Variants in DLG2 observed in about 807,000 individuals in gnomAD.
The protein encoded by DLG2 is disks large homolog 2.
DLG2 carries 45 observed loss-of-function variants against 132.5 expected under a neutral mutation model. That is an observed-to-expected ratio of 0.34 (90% CI 0.27 to 0.44). The LOEUF (loss-of-function observed/expected upper bound fraction) is 0.44, where lower values mean the gene tolerates loss of function less well. Among genes scored for constraint, DLG2 ranks in the 20% least tolerant of loss-of-function variants. The probability of loss-of-function intolerance (pLI) is 1.00; values close to 1 mark genes in which losing one functional copy is unlikely to be tolerated. For missense variants in DLG2, 1,045 were observed against 1,196.9 expected (o/e 0.87, Z 1.87); for synonymous variants, 424 against 419.6 (o/e 1.01, Z -0.13).
At chr11:84,842,298 C>A (rs911666503) in intron 6 of DLG2, among the ~76,000 whole-genome samples, 1 of 151,950 alleles carries the variant, frequency 6.6e-6, no homozygotes, top group South Asian at 2.1e-4. Context: ...GCATTCTTAT[C>A]GCCACTTTAC....
intron 3 of DLG2, among the ~76,000 whole-genome samples, chr11:85,344,054 C>T (rs181643875): frequency 6.6e-6 from 1 of 152,248 alleles, no homozygotes; most frequent in Non-Finnish European, 1.5e-5. Flanking sequence ...TTAGTAAGCA[C>T]CCAAAATAAT....
chr11:84,164,481 A>G (rs1205396720), intron 8 of DLG2, among the ~76,000 whole-genome samples: 2 of 152,204 alleles, frequency 1.3e-5, no homozygotes, highest in African/African-American at 2.4e-5. Context: ...TTACTTTTCT[A>G]TCTTAGAAGA....
At chr11:84,413,828 G>C (rs1050485708) in intron 7 of DLG2, among the ~76,000 whole-genome samples, 1 of 152,170 alleles carries the variant, frequency 6.6e-6, no homozygotes, top group Non-Finnish European at 1.5e-5. Flanking sequence ...TGGTAATGCA[G>C]ATTTTTTTTT....
chr11:83,823,669 A>G (rs533777364), intron 17 of DLG2, among the ~76,000 whole-genome samples: 103 of 151,290 alleles, frequency 6.8e-4, no homozygotes, highest in Non-Finnish European at 1.3e-3. Context: ...TCATTCATTC[A>G]TTCATTCGTT....
intron 10 of DLG2, among the ~76,000 whole-genome samples, chr11:84,060,216 A>T (rs2096569402): frequency 6.6e-6 from 1 of 152,072 alleles, no homozygotes; most frequent in Non-Finnish European, 1.5e-5. Flanking sequence ...GGAGGCTGAG[A>T]AAAGAGAATT....
chr11:83,486,348 AT>A lies in DLG2; in HGVS notation c.2194-2121del, dbSNP rs973089549. The A allele has an allele frequency of 9.7e-5, 54 of 556,866 alleles. No homozygotes were observed. The East Asian group carries it at 1.0e-3, about 10-fold the overall frequency. 34.5% of individuals were successfully genotyped at this position (556,866 alleles called of 1,614,324 possible). ...ACTTCAACATCACCAATGACTTGTCATGCAAAAAAAAAAAATTACACATTTT... is the reference window on the plus strand; with the variant it reads ...ACTTCAACATCACCAATGACTTGTCAGCAAAAAAAAAAAATTACACATTTT... On this transcript the variant is annotated intron_variant, in intron 21 of 27. Transcript: ENST00000376104.
Position 84,562,749 on chromosome 11 carries a change from CT to C in DLG2, c.358-28019del, listed in dbSNP as rs1307584790. Among the ~76,000 whole-genome samples the C allele has an allele frequency of 4.5e-3, 650 of 143,856 alleles. 1 individual carries two copies. The highest frequency in any genetic ancestry group is 0.013 in the African/African-American group (506 of 39,532). The allele number at this position is 143,856 out of a possible 152,430, so 94.4% of individuals were successfully genotyped here. A position where few individuals can be genotyped will look rare whatever the true frequency, so the allele number is the denominator to read the frequency against. On this transcript the variant is annotated intron_variant, in intron 6 of 27. Coordinates refer to ENST00000376104, the MANE Select transcript of DLG2 (RefSeq NM_001142699.3). ...TTTACCTCTTTTTCTTTCTTTCTTT[CT>C]TTTTTTTTTTTTCTTTTGAGACAGG...
rs549367991 is a variant in DLG2, at chr11:84,232,448, A to G, written c.573+18790T>C. ...CCTTGGAGTTGTTTGAAATTCAGAG[A>G]TTTCTACGGACTGAATCACCCTAAA... On this transcript the variant is annotated intron_variant, in intron 8 of 27. Coordinates refer to ENST00000376104, the MANE Select transcript of DLG2 (RefSeq NM_001142699.3). 1.5e-4 allele frequency among the ~76,000 whole-genome samples: 23 copies of G among 152,298 alleles called. No homozygotes were observed. The East Asian group carries it at 4.0e-3, about 27-fold the overall frequency.
At chr11:85,395,193 G>A (rs1473150750) in intron 3 of DLG2, among the ~76,000 whole-genome samples, 1 of 152,132 alleles carries the variant, frequency 6.6e-6, no homozygotes, top group African/African-American at 2.4e-5. Flanking sequence ...AATGAAAAAA[G>A]TGTTAATAAA....
At chr11:83,521,832 C>T (rs780683933) in intron 21 of DLG2, among the ~76,000 whole-genome samples, 2 of 152,058 alleles carry the variant, frequency 1.3e-5, no homozygotes, top group African/African-American at 2.4e-5. Flanking sequence ...GTCATCCCAC[C>T]GTCCTTCCCT....
chr11:83,892,017 A>C, intron 15 of DLG2, among the ~76,000 whole-genome samples: 1 of 152,112 alleles, frequency 6.6e-6, no homozygotes, highest in East Asian at 1.9e-4. Flanking sequence ...TATCACCCTC[A>C]TTGTACCAAT....
intron 18 of DLG2, among the ~76,000 whole-genome samples, chr11:83,692,404 T>C (rs2153623774): frequency 6.6e-6 from 1 of 152,328 alleles, no homozygotes; most frequent in Middle Eastern, 3.4e-3. Flanking sequence ...AGAATGTAGG[T>C]ATTCTGTTTA....
chr11:84,738,178 A>G (rs1409492642), intron 6 of DLG2, among the ~76,000 whole-genome samples: 1 of 151,948 alleles, frequency 6.6e-6, no homozygotes, highest in Admixed American at 6.6e-5. Context: ...AATTATCTAG[A>G]GTCAGACTTT....
At chr11:83,573,207 A>C (rs1260274692) in intron 19 of DLG2, among the ~76,000 whole-genome samples, 3 of 152,206 alleles carry the variant, frequency 2.0e-5, no homozygotes, top group Admixed American at 1.3e-4. Context: ...GTTATGTAAC[A>C]TGTGATTTAT....
At chr11:85,416,885 C>T (rs2089907226) in intron 3 of DLG2, among the ~76,000 whole-genome samples, 1 of 152,146 alleles carries the variant, frequency 6.6e-6, no homozygotes, top group Admixed American at 6.5e-5. Flanking sequence ...ATGTCATCTG[C>T]AAACAGAGAC....
At chr11:84,479,076 G>A (rs1203734186) in intron 7 of DLG2, among the ~76,000 whole-genome samples, 11 of 152,160 alleles carry the variant, frequency 7.2e-5, no homozygotes, top group African/African-American at 2.6e-4. Context: ...TCACTGTACT[G>A]TTTGCTCATA....
chr11:84,394,123 C>T (rs962884413), intron 7 of DLG2, among the ~76,000 whole-genome samples: 10 of 152,080 alleles, frequency 6.6e-5, no homozygotes, highest in African/African-American at 1.7e-4. Flanking sequence ...GCGATCCACC[C>T]GCCTCAGCCT....
chr11:84,099,264 T>C (rs1470304924), intron 9 of DLG2, among the ~76,000 whole-genome samples: 2 of 152,164 alleles, frequency 1.3e-5, no homozygotes, highest in Non-Finnish European at 2.9e-5. Context: ...ATTATATTTT[T>C]CTTTTAAAAA....
chr11:85,297,408 T>C (rs941343530), intron 3 of DLG2, among the ~76,000 whole-genome samples: 8 of 152,152 alleles, frequency 5.3e-5, no homozygotes, highest in African/African-American at 1.9e-4. Context: ...CTGCCTAATG[T>C]TGTATGATAA....
Sources: allele counts gnomAD v4.1 joint callset (sites outside exome capture counted in the v4.1 genomes callset), GRCh38; gene constraint gnomAD v4.1.1; transcripts MANE v1.5; gene names NCBI Gene and HGNC (gene_info 2026-07-23, HGNC 2026-07-21).